Variants in UBFD1 observed in about 807,000 individuals in gnomAD.
The protein encoded by UBFD1 is ubiquitin family domain containing 1.
A neutral mutation model predicts 35.1 loss-of-function variants in UBFD1; 12 were observed. The observed-to-expected ratio is 0.34, with a 90% CI of 0.22 to 0.55. UBFD1 has a LOEUF of 0.55. UBFD1 is among the 20% of genes least tolerant of loss of function. UBFD1 has a pLI of 0.89. For synonymous variants in UBFD1, 178 were observed against 167.6 expected, an observed-to-expected ratio of 1.06 and a Z score of -0.48; for missense variants, 337 against 410.8, an observed-to-expected ratio of 0.82 and a Z score of 1.55.
Position 23,562,188 on chromosome 16 carries a change from C to G in UBFD1, c.565-18C>G. 6.2e-7 allele frequency: 1 copy of G among 1,606,544 alleles called. No homozygotes were observed. The highest frequency in any genetic ancestry group is 1.3e-5 in the African/African-American group (1 of 74,630). On this transcript the variant is annotated intron_variant, in intron 3 of 6. Transcript: ENST00000395878. ...ATGTAGTCAGCTGTTTCATTTCATT[C>G]TCTCTTCTGACTTATAGCAACACAG...
At chr16:23,568,359 C>A (rs1966039350) in intron 6 of UBFD1, among the ~76,000 whole-genome samples, 1 of 151,124 alleles carries the variant, frequency 6.6e-6, no homozygotes, top group African/African-American at 2.4e-5. Context: ...GGGGTTTCAC[C>A]ATGTTGGCCA....
intron 1 of UBFD1, 78 bp downstream of exon 1, chr16:23,557,845 G>T: frequency 2.4e-6 from 3 of 1,272,688 alleles, no homozygotes; most frequent in South Asian, 6.8e-5. Flanking sequence ...GGCCCGGCCC[G>T]GGAGGGAGAA....
At chr16:23,559,210 A>G in intron 2 of UBFD1, 1 of 344,820 alleles carries the variant, frequency 2.9e-6, no homozygotes, top group Non-Finnish European at 5.4e-6. Context: ...ACAATTATTC[A>G]ATGCTAGCCA....
chr16:23,559,416 C>T, intron 2 of UBFD1, 52 bp from the exon 3 acceptor site: 1 of 1,522,592 alleles, frequency 6.6e-7, no homozygotes, highest in Non-Finnish European at 9.0e-7. Flanking sequence ...AGTATCCATA[C>T]ATTTTTCTGT....
At chr16:23,564,738 T>A (rs1173500703) in intron 5 of UBFD1, 1 of 152,224 alleles carries the variant, frequency 6.6e-6, no homozygotes, top group East Asian at 1.9e-4. Context: ...AGTCTGTAAG[T>A]GCTCATTGGT....
chr16:23,558,842 A>G lies in UBFD1; in HGVS notation c.355+563A>G, dbSNP rs1965876686. Among the ~76,000 whole-genome samples the G allele has an allele frequency of 3.4e-5, 5 of 147,448 alleles. No homozygotes were observed. In the South Asian group the frequency reaches 1.1e-3, roughly 31 times the overall value. On this transcript the variant is annotated intron_variant, in intron 2 of 6. Coordinates refer to ENST00000395878, the MANE Select transcript of UBFD1 (RefSeq NM_019116.3). ...GTTGCCCAGGCTGGAGTGTACTGGC[A>G]CCATCTTGGCTCACTGCAGCCTCCG...
intron 6 of UBFD1, among the ~76,000 whole-genome samples, chr16:23,568,457 C>T (rs1365649728): frequency 1.3e-5 from 2 of 151,626 alleles, no homozygotes; most frequent in African/African-American, 4.8e-5. Context: ...CATGCCCAGC[C>T]CTCTCTCTGT....
rs1022895877 is a variant in UBFD1, at chr16:23,574,378, T to C, written c.*3788T>C. On this transcript the variant is annotated 3_prime_UTR_variant, in exon 7 of 7. Transcript: ENST00000395878. ...TGTAAGATTAGTCAATCGATTAAAG[T>C]TTGATAATTAATTGCGTCTCTTTTT... The C allele has an allele frequency of 6.6e-6, 1 of 152,616 alleles. No individual in the cohort carries two copies. Among genetic ancestry groups the C allele is most frequent in the Non-Finnish European group, 1.5e-5 (1 of 68,044 alleles). The allele number at this position is 152,616 out of a possible 1,614,324, so 9.5% of individuals were successfully genotyped here.
At chr16:23,562,134 C>A in intron 3 of UBFD1, 72 bp from the exon 4 acceptor site, 1 of 1,404,920 alleles carries the variant, frequency 7.1e-7, no homozygotes, top group South Asian at 1.2e-5. Context: ...TCTTCATCCT[C>A]TCTTTCAAGG....
chr16:23,570,794 T>A lies in UBFD1; in HGVS notation c.*204T>A. ...TTAACTTAAAATTACCAGTTCCCTT[T>A]CTTGCAGTCAGCTTCATACCATTTT... On this transcript the variant is annotated 3_prime_UTR_variant, in exon 7 of 7. Coordinates refer to ENST00000395878, the MANE Select transcript of UBFD1 (RefSeq NM_019116.3). The A allele has an allele frequency of 6.4e-6, 3 of 468,516 alleles. No homozygotes were observed. Among genetic ancestry groups the A allele is most frequent in the Non-Finnish European group, 1.1e-5 (3 of 262,646 alleles). 29.0% of individuals were successfully genotyped at this position (468,516 alleles called of 1,614,324 possible). A position where few individuals can be genotyped will look rare whatever the true frequency, so the allele number is the denominator to read the frequency against.
rs755969135 is a variant in UBFD1, at chr16:23,559,734, C to T, written c.564+58C>T. ...AATTTGAGGCTTTGTCCTCTTGAGC[C>T]GTGGCTGGTTATATTCTCCCTAGAA... On this transcript the variant is annotated intron_variant, in intron 3 of 6. Coordinates refer to ENST00000395878, the MANE Select transcript of UBFD1 (RefSeq NM_019116.3). 56 of 1,606,802 alleles carry T rather than the reference C, an allele frequency of 3.5e-5. No individual in the cohort carries two copies. In the African/African-American group the frequency reaches 4.2e-4, roughly 12 times the overall value.
At chr16:23,559,974 G>GAGAA (rs1965905764) in intron 3 of UBFD1, 2 of 1,156,298 alleles carry the variant, frequency 1.7e-6, no homozygotes, top group Non-Finnish European at 2.4e-6. Context: ...CTCTTATTTA[G>GAGAA]TGCCAGAGAA....
Position 23,567,000 on chromosome 16 carries a change from A to G in UBFD1, c.750A>G (p.Lys250=). 6.2e-7 allele frequency: 1 copy of G among 1,614,170 alleles called. No homozygotes were observed. The highest frequency in any genetic ancestry group is 8.5e-7 in the Non-Finnish European group (1 of 1,180,022). ...CTCTCAACTTAGAGCGGACTGAGAA[A>G]TTGCCCATGGGCTCCATAAAAAATG... ...LWIGTKERTE[K]LPMGSIKNVV... The change falls in exon 6 of 7, where the codon AAA becomes AAG. Residue 250 remains lysine, a synonymous_variant. Coordinates refer to ENST00000395878, the MANE Select transcript of UBFD1 (RefSeq NM_019116.3).
intron 5 of UBFD1, 100 bp from the exon 6 acceptor site, chr16:23,566,887 G>A (rs894973879): frequency 7.9e-6 from 9 of 1,146,396 alleles, no homozygotes; most frequent in South Asian, 1.4e-5. Flanking sequence ...TGAGTTTACT[G>A]TAGATCCCGC....
At chr16:23,565,515 A>C (rs975246895) in intron 5 of UBFD1, 23 of 152,196 alleles carry the variant, frequency 1.5e-4, no homozygotes, top group African/African-American at 5.6e-4. Context: ...ATCTCCAGAC[A>C]TTTCAGGATG....
chr16:23,558,980 C>T (rs1467107202), intron 2 of UBFD1: 1 of 152,476 alleles, frequency 6.6e-6, no homozygotes, highest in Non-Finnish European at 1.5e-5. Context: ...CCTCGGCCTC[C>T]CGAAGTGCTG....
intron 6 of UBFD1, among the ~76,000 whole-genome samples, chr16:23,568,115 G>A (rs1247038169): frequency 6.6e-6 from 1 of 151,584 alleles, no homozygotes; most frequent in Non-Finnish European, 1.5e-5. Flanking sequence ...TGGAAGTGAT[G>A]ATGCCCCTTG....
chr16:23,570,746 G>C lies in UBFD1; in HGVS notation c.*156G>C. 1 of 560,128 alleles carries C rather than the reference G, an allele frequency of 1.8e-6. No individual in the cohort carries two copies. The highest frequency in any genetic ancestry group is 2.6e-5 in the South Asian group (1 of 38,548). The allele number at this position is 560,128 out of a possible 1,614,324, so 34.7% of individuals were successfully genotyped here. A position where few individuals can be genotyped will look rare whatever the true frequency, so the allele number is the denominator to read the frequency against. On this transcript the variant is annotated 3_prime_UTR_variant, in exon 7 of 7. Transcript: ENST00000395878. The stretch of plus-strand genomic sequence containing the variant: ...TGTGGTGACTGAAGCCAGAGGTGAT[G>C]TACTTTCACCATTAGCTTAATTTTA...
intron 3 of UBFD1, among the ~76,000 whole-genome samples, chr16:23,560,190 T>C (rs1340562248): frequency 1.1e-4 from 17 of 152,224 alleles, no homozygotes; most frequent in Admixed American, 1.1e-3. Context: ...ATTTATTTTT[T>C]TGTCCTGATC....
Sources: allele counts gnomAD v4.1 joint callset (sites outside exome capture counted in the v4.1 genomes callset), GRCh38; gene constraint gnomAD v4.1.1; transcripts MANE v1.5; gene names NCBI Gene and HGNC (gene_info 2026-07-23, HGNC 2026-07-21).